The following RABGAP1L variants were observed in gnomAD, a reference collection of about 807,000 sequenced individuals.
RABGAP1L encodes RAB GTPase activating protein 1 like.
In RABGAP1L, 63 loss-of-function variants were observed where a neutral mutation model predicts 137.7. That is an observed-to-expected ratio of 0.46 (90% confidence interval 0.37 to 0.56). RABGAP1L has a LOEUF of 0.56. Among genes scored for constraint, RABGAP1L ranks in the 20% least tolerant of loss-of-function variants. RABGAP1L has a pLI of 0.00. For synonymous variants in RABGAP1L, 431 were observed against 433.7 expected (o/e 0.99, Z 0.08); for missense variants, 1,095 against 1,244.0 (o/e 0.88, Z 1.80).
chr1:174,635,544 C>T (rs748140432), intron 13 of RABGAP1L, among the ~76,000 whole-genome samples: 1 of 152,110 alleles, frequency 6.6e-6, no homozygotes, highest in Non-Finnish European at 1.5e-5. Flanking sequence ...TACCCCCACC[C>T]CACCCTGCAG....
chr1:174,791,924 A>T (rs1469825194), intron 18 of RABGAP1L, among the ~76,000 whole-genome samples: 1 of 152,158 alleles, frequency 6.6e-6, no homozygotes, highest in Non-Finnish European at 1.5e-5. Flanking sequence ...AACTCAACCT[A>T]AGAATCTTAG....
At chr1:174,272,925 A>C (rs1029852711) in intron 8 of RABGAP1L, among the ~76,000 whole-genome samples, 4 of 152,022 alleles carry the variant, frequency 2.6e-5, no homozygotes, top group African/African-American at 9.7e-5. Context: ...TCCTTAGCAA[A>C]GTACACTTAT....
At chr1:174,983,030 T>C (rs934369088) in intron 24 of RABGAP1L, 125 bp downstream of exon 24, 1 of 985,002 alleles carries the variant, frequency 1.0e-6, no homozygotes, top group East Asian at 2.7e-5. Flanking sequence ...TTATGGAGAC[T>C]AGGATACCTC....
At chr1:174,866,325 G>A (rs982689666) in intron 19 of RABGAP1L, among the ~76,000 whole-genome samples, 2 of 152,090 alleles carry the variant, frequency 1.3e-5, no homozygotes, top group Non-Finnish European at 2.9e-5. Flanking sequence ...AAATTAGAAT[G>A]TTCTGGGCAT....
At chr1:174,673,652 G>C (rs1677353828) in intron 14 of RABGAP1L, among the ~76,000 whole-genome samples, 1 of 152,000 alleles carries the variant, frequency 6.6e-6, no homozygotes, top group South Asian at 2.1e-4. Flanking sequence ...CATAGAATTG[G>C]AAAAACATAA....
chr1:174,960,116 T>G (rs191915995), intron 20 of RABGAP1L, among the ~76,000 whole-genome samples: 1 of 152,298 alleles, frequency 6.6e-6, no homozygotes, highest in Non-Finnish European at 1.5e-5. Flanking sequence ...GAATCTATAT[T>G]GCTTAAAAAG....
At chr1:174,851,916 T>C (rs1648431010) in intron 19 of RABGAP1L, among the ~76,000 whole-genome samples, 1 of 152,202 alleles carries the variant, frequency 6.6e-6, no homozygotes, top group Admixed American at 6.5e-5. Context: ...AAATTTCTGA[T>C]ATGATAGTGC....
At chr1:174,697,232 T>G (rs1394889755) in intron 15 of RABGAP1L, among the ~76,000 whole-genome samples, 1 of 152,238 alleles carries the variant, frequency 6.6e-6, no homozygotes, top group African/African-American at 2.4e-5. Flanking sequence ...ATATTCCCTT[T>G]ATAAGACATC....
intron 1 of RABGAP1L, among the ~76,000 whole-genome samples, chr1:174,199,437 G>A (rs1466305057): frequency 6.6e-6 from 1 of 151,946 alleles, no homozygotes; most frequent in Non-Finnish European, 1.5e-5. Context: ...GATTACAGGC[G>A]TATACTACCA....
intron 14 of RABGAP1L, among the ~76,000 whole-genome samples, chr1:174,678,852 C>T (rs754105888): frequency 2.0e-5 from 3 of 152,188 alleles, no homozygotes; most frequent in Non-Finnish European, 4.4e-5. Flanking sequence ...CGGCAGTGGG[C>T]GCCACCTCAC....
At chr1:174,767,409 C>T (rs1325329237) in intron 18 of RABGAP1L, among the ~76,000 whole-genome samples, 1 of 152,020 alleles carries the variant, frequency 6.6e-6, no homozygotes, top group East Asian at 1.9e-4. Context: ...TCTTAAAGCA[C>T]TTGAAAAAAT....
chr1:174,443,552 T>G lies in RABGAP1L; in HGVS notation c.1710+49407T>G, dbSNP rs962917451. 5.9e-5 allele frequency among the ~76,000 whole-genome samples: 9 copies of G among 152,172 alleles called. No individual in the cohort carries two copies. In the East Asian group the frequency reaches 1.3e-3, roughly 23 times the overall value. On this transcript the variant is annotated intron_variant, in intron 13 of 25. Coordinates refer to ENST00000681986, the MANE Select transcript of RABGAP1L (RefSeq NM_001366446.1). The stretch of plus-strand genomic sequence containing the variant: ...AGAAATGTCTATTCAGATCTTTTGC[T>G]GACTTTTTAATAGTTTTTTTCTGAT...
intron 19 of RABGAP1L, among the ~76,000 whole-genome samples, chr1:174,853,230 T>TG (rs1028492982): frequency 1.2e-4 from 18 of 147,250 alleles, no homozygotes; most frequent in African/African-American, 4.4e-4. Flanking sequence ...GCTGGGTTGT[T>TG]TTTTTTTTTT....
chr1:174,856,116 G>A (rs1649233241), intron 19 of RABGAP1L, among the ~76,000 whole-genome samples: 1 of 152,228 alleles, frequency 6.6e-6, no homozygotes, highest in South Asian at 2.1e-4. Flanking sequence ...GGAAAGACAA[G>A]CTGGACGCAG....
At chr1:174,803,277 A>G (rs929483565) in intron 18 of RABGAP1L, among the ~76,000 whole-genome samples, 4 of 152,204 alleles carry the variant, frequency 2.6e-5, no homozygotes, top group Non-Finnish European at 5.9e-5. Context: ...TTTGCTTGTT[A>G]CCCTTCAAAG....
In RABGAP1L at chr1:174,905,977, G is replaced by T. The variant is rs568688884; in HGVS notation, c.2341-51480G>T. Among the ~76,000 whole-genome samples the T allele has an allele frequency of 1.8e-3, 270 of 152,210 alleles. 1 individual carries two copies. The Middle Eastern group carries it at 0.044, about 25-fold the overall frequency. ...AAAAGACCAAATCTTAGAATTACTG[G>T]TGTTCAAGAGGGAGCTAAGCAGAAC... On this transcript the variant is annotated intron_variant, in intron 19 of 25. Transcript: ENST00000681986.
At chr1:174,764,072 T>C (rs1238563351) in intron 18 of RABGAP1L, among the ~76,000 whole-genome samples, 4 of 152,244 alleles carry the variant, frequency 2.6e-5, no homozygotes, top group African/African-American at 9.6e-5. Flanking sequence ...AAGTGGTCTT[T>C]TGTGACTGGC....
intron 14 of RABGAP1L, among the ~76,000 whole-genome samples, chr1:174,651,795 C>G (rs934215503): frequency 2.0e-5 from 3 of 152,170 alleles, no homozygotes; most frequent in Non-Finnish European, 4.4e-5. Flanking sequence ...ATCCAATTTG[C>G]AAGTCTGTGT....
At chr1:174,590,085 A>T (rs959320819) in intron 13 of RABGAP1L, among the ~76,000 whole-genome samples, 8 of 146,754 alleles carry the variant, frequency 5.5e-5, no homozygotes, top group African/African-American at 2.0e-4. Context: ...ATCCATGAAC[A>T]TGGAATATCT....
Sources: gnomAD v4.1 joint callset for allele counts (sites outside exome capture counted in the v4.1 genomes callset) on GRCh38, gnomAD v4.1.1 for gene constraint, MANE v1.5 for transcripts, NCBI Gene and HGNC (gene_info 2026-07-23, HGNC 2026-07-21) for gene names.